DBF4B: variants seen among roughly 807,000 people sequenced by gnomAD.
DBF4B encodes the protein DBF4B-CDC7 kinase regulatory subunit.
DBF4B carries 49 observed loss-of-function variants against 53.4 expected under a neutral mutation model. That is an observed-to-expected ratio of 0.92 (90% CI 0.73 to 1.16). DBF4B has a LOEUF of 1.16. DBF4B is among the 50% of genes most tolerant of loss of function. The pLI, the probability that DBF4B is intolerant of heterozygous loss-of-function variation, is 0.00. For missense variants in DBF4B, 692 were observed against 775.0 expected, an observed-to-expected ratio of 0.89 and a Z score of 1.27; for synonymous variants, 257 against 288.7, an observed-to-expected ratio of 0.89 and a Z score of 1.11.
At chr17:44,743,543 G>A (rs1373345955) in intron 10 of DBF4B, among the ~76,000 whole-genome samples, 1 of 151,542 alleles carries the variant, frequency 6.6e-6, no homozygotes, top group Non-Finnish European at 1.5e-5. Context: ...AATGGAGAGT[G>A]CAGCCTGGGG....
chr17:44,747,000 C>A, intron 10 of DBF4B, 83 bp from the exon 11 acceptor site: 1 of 1,327,990 alleles, frequency 7.5e-7, no homozygotes, highest in Non-Finnish European at 1.1e-6. Context: ...CCTCCCTGAC[C>A]TAGGCTCCAG....
intron 10 of DBF4B, among the ~76,000 whole-genome samples, chr17:44,744,276 G>A (rs1176051133): frequency 2.6e-5 from 4 of 152,010 alleles, no homozygotes; most frequent in African/African-American, 9.7e-5. Flanking sequence ...GCCAGGCATG[G>A]TGGTGCAAGC....
At position 44,751,025 on chromosome 17, in the gene DBF4B, A is replaced by T; in HGVS notation, c.1620A>T (p.Arg540Ser). The T allele has an allele frequency of 1.2e-6, 2 of 1,614,004 alleles. No individual in the cohort carries two copies. Among genetic ancestry groups the T allele is most frequent in the Non-Finnish European group, 1.7e-6 (2 of 1,179,962 alleles). The part of the protein sequence containing the change: ...HEEVSPCPCL[R>S]LGYLYLLLTQ... ...AAGTTTCCCCTTGCCCCTGTCTCAG[A>T]CTTGGATACCTTTACCTGCTGCTCA... is the stretch of plus-strand genomic sequence containing the variant. The change falls in exon 14 of 14, where the codon AGA becomes AGT. Residue 540 changes from arginine to serine, a missense_variant. Around this residue, in one of 3 missense-constraint regions of DBF4B, gnomAD observed 597 missense variants for 665.8 expected, o/e 0.90. Transcript: ENST00000315005.
chr17:44,733,151 C>A (rs1429603946), intron 6 of DBF4B, among the ~76,000 whole-genome samples: 2 of 143,800 alleles, frequency 1.4e-5, no homozygotes, highest in African/African-American at 5.3e-5. Flanking sequence ...GGCGACAGAG[C>A]GAGACTCCGT....
At chr17:44,712,165 T>C (rs138542303) in intron 2 of DBF4B, among the ~76,000 whole-genome samples, 6 of 152,062 alleles carry the variant, frequency 3.9e-5, no homozygotes, top group African/African-American at 1.4e-4. Context: ...TTAATCCCCT[T>C]TCAGGCTGTC....
chr17:44,736,924 C>T (rs1975502975), intron 8 of DBF4B, 58 bp downstream of exon 8: 2 of 1,582,546 alleles, frequency 1.3e-6, no homozygotes, highest in East Asian at 4.5e-5. Flanking sequence ...AAACACTTCC[C>T]CACGACTCCC....
At chr17:44,729,073 G>C (rs1011535438) in intron 3 of DBF4B, among the ~76,000 whole-genome samples, 2 of 151,648 alleles carry the variant, frequency 1.3e-5, no homozygotes, top group African/African-American at 4.8e-5. Context: ...TACAGCCTGG[G>C]AGACAAAGTG....
chr17:44,747,615 G>C, intron 12 of DBF4B, 100 bp downstream of exon 12: 1 of 1,461,206 alleles, frequency 6.8e-7, no homozygotes, highest in Non-Finnish European at 9.2e-7. Context: ...GGACCAGACT[G>C]TGATGTTTTC....
intron 1 of DBF4B, 42 bp from the exon 2 acceptor site, chr17:44,709,262 G>A: frequency 7.4e-6 from 12 of 1,613,340 alleles, no homozygotes; most frequent in Non-Finnish European, 9.3e-6. Flanking sequence ...AAGTTCCAAG[G>A]GTTGGTGAAG....
intron 2 of DBF4B, chr17:44,720,735 ACT>A (rs941659012): frequency 6.6e-6 from 1 of 152,232 alleles, no homozygotes; most frequent in African/African-American, 2.4e-5. Context: ...TCATACGGTA[ACT>A]CTGTGTTTAA....
intron 3 of DBF4B, among the ~76,000 whole-genome samples, chr17:44,728,839 G>A (rs931193492): frequency 6.6e-5 from 10 of 151,942 alleles, no homozygotes; most frequent in African/African-American, 2.4e-4. Flanking sequence ...GCTCACACCT[G>A]TAATCCCAAC....
rs976252105 is a variant in DBF4B, at chr17:44,750,730, G to T, written c.1325G>T (p.Gly442Val). ...TTGCCCAAGGGCTCCAGGGAGCAGGGCTGCCTCTGTCCCTGCCCAGCCTCC... is the reference window on the plus strand; with the variant it reads ...TTGCCCAAGGGCTCCAGGGAGCAGGTCTGCCTCTGTCCCTGCCCAGCCTCC... ...PALPKGSREQ[G>V]CLCPCPASFT... Residue 442 changes from glycine (G) to valine (V), a missense_variant, in exon 14 of 14, where the codon GGC becomes GTC. Physicochemically the swap from Gly to Val is moderately radical, Grantham distance 109. Coordinates refer to ENST00000315005, the MANE Select transcript of DBF4B (RefSeq NM_145663.3). 1 of 1,614,004 alleles carries T rather than the reference G, an allele frequency of 6.2e-7. No homozygotes were observed. Among genetic ancestry groups the T allele is most frequent in the African/African-American group, 1.3e-5 (1 of 74,938 alleles).
chr17:44,740,166 C>T (rs1975855896), intron 9 of DBF4B, among the ~76,000 whole-genome samples: 1 of 152,120 alleles, frequency 6.6e-6, no homozygotes, highest in African/African-American at 2.4e-5. Context: ...TAAGCAGAAA[C>T]AATATCATTG....
At chr17:44,734,220 C>CAA in intron 7 of DBF4B, 57 bp downstream of exon 7, 1 of 1,608,726 alleles carries the variant, frequency 6.2e-7, no homozygotes, top group East Asian at 2.2e-5. Context: ...AAATCAGTGA[C>CAA]AACTTAGGTA....
chr17:44,729,132 A>C (rs1974597974), intron 3 of DBF4B, among the ~76,000 whole-genome samples: 1 of 152,018 alleles, frequency 6.6e-6, no homozygotes, highest in Non-Finnish European at 1.5e-5. Context: ...AGGTAAATGT[A>C]ATCCTTCAAT....
At position 44,736,364 on chromosome 17, in the gene DBF4B, T is replaced by C. The variant is rs571316278; in HGVS notation, c.631-466T>C. On this transcript the variant is annotated intron_variant, in intron 7 of 13. Transcript: ENST00000315005. Reference sequence around the variant, plus strand: ...ACCCACAGGATCAGAGTACACAAGATAGGACATAGGAAAGCAAATGGCTAT... The same window carrying C: ...ACCCACAGGATCAGAGTACACAAGACAGGACATAGGAAAGCAAATGGCTAT... 3.9e-5 allele frequency among the ~76,000 whole-genome samples: 6 copies of C among 152,278 alleles called. No individual in the cohort carries two copies. In the South Asian group the frequency reaches 1.2e-3, roughly 32 times the overall value.
At chr17:44,710,493 C>T (rs1293210740) in intron 2 of DBF4B, among the ~76,000 whole-genome samples, 1 of 152,032 alleles carries the variant, frequency 6.6e-6, no homozygotes, top group Non-Finnish European at 1.5e-5. Flanking sequence ...TTTATTCTTG[C>T]TGCTTTGTAA....
At chr17:44,725,684 CTTTTTTTTTT>C (rs68091397) in intron 3 of DBF4B, among the ~76,000 whole-genome samples, 1 of 87,662 alleles carries the variant, frequency 1.1e-5, no homozygotes, top group East Asian at 2.6e-4. Flanking sequence ...TTTTGTGCTT[CTTTTTTTTTT>C]TTTTTTTTTT....
chr17:44,728,421 A>C (rs1291062303), intron 3 of DBF4B, among the ~76,000 whole-genome samples: 1 of 152,154 alleles, frequency 6.6e-6, no homozygotes, highest in Non-Finnish European at 1.5e-5. Flanking sequence ...GTATACTGGG[A>C]TGGGAGGAGG....
Sources: gnomAD v4.1 joint callset for allele counts (sites outside exome capture counted in the v4.1 genomes callset) on GRCh38, gnomAD v4.1.1 for gene constraint, gnomAD v4.1.1 regional missense constraint, MANE v1.5 for transcripts, NCBI Gene and HGNC (gene_info 2026-07-23, HGNC 2026-07-21) for gene names.